The following SESN1 variants were observed in gnomAD, a reference collection of about 807,000 sequenced individuals.
SESN1 encodes the protein sestrin-1.
A neutral mutation model predicts 59.3 loss-of-function variants in SESN1; 30 were observed. The observed-to-expected ratio is 0.51, with a 90% CI of 0.38 to 0.69. SESN1 has a LOEUF of 0.69. Ranked by LOEUF, SESN1 falls within the 30% of genes least tolerant of loss-of-function variation. SESN1 has a pLI of 0.00. For missense variants in SESN1, 566 were observed against 673.0 expected, an observed-to-expected ratio of 0.84 and a Z score of 1.76; for synonymous variants, 197 against 219.9, an observed-to-expected ratio of 0.90 and a Z score of 0.92.
intron 1 of SESN1, among the ~76,000 whole-genome samples, chr6:109,042,724 C>T (rs930478266): frequency 3.4e-4 from 51 of 152,092 alleles, no homozygotes; most frequent in Non-Finnish European, 2.2e-4. Flanking sequence ...TTTTTAAAAA[C>T]TCCCCCAAAA....
intron 1 of SESN1, among the ~76,000 whole-genome samples, chr6:109,072,104 CTGG>C (rs1424290885): frequency 6.6e-6 from 1 of 152,176 alleles, no homozygotes; most frequent in Admixed American, 6.5e-5. Flanking sequence ...TTTCTTCTCC[CTGG>C]TGAAGGGAGT....
chr6:109,050,255 T>C (rs1008362841), intron 1 of SESN1, among the ~76,000 whole-genome samples: 6 of 152,108 alleles, frequency 3.9e-5, no homozygotes, highest in African/African-American at 1.2e-4. Context: ...GACTGACCAA[T>C]TGTGCTACCA....
intron 4 of SESN1, chr6:108,999,248 A>G (rs186767879): frequency 6.5e-6 from 1 of 152,778 alleles, no homozygotes; most frequent in Admixed American, 6.5e-5. Flanking sequence ...TATAACTTCT[A>G]TAATTCTTCT....
At chr6:109,031,519 C>T (rs1234756224) in intron 1 of SESN1, among the ~76,000 whole-genome samples, 1 of 152,156 alleles carries the variant, frequency 6.6e-6, no homozygotes, top group East Asian at 1.9e-4. Context: ...ATGGCCCACC[C>T]CTCATCTTCA....
chr6:109,031,349 G>A (rs555277858), intron 1 of SESN1, among the ~76,000 whole-genome samples: 9 of 152,224 alleles, frequency 5.9e-5, no homozygotes, highest in African/African-American at 1.7e-4. Context: ...GAAGCTCAAG[G>A]CAAATTAAAT....
chr6:108,998,421 G>A, intron 5 of SESN1, 92 bp downstream of exon 5: 1 of 1,475,516 alleles, frequency 6.8e-7, no homozygotes, highest in South Asian at 1.3e-5. Context: ...GTCTTAACAG[G>A]GTGGGTTTTT....
rs1429037232 is a variant in SESN1, at chr6:109,001,367, C to T, written c.467G>A (p.Ser156Asn). 6.2e-7 allele frequency: 1 copy of T among 1,613,648 alleles called. No individual in the cohort carries two copies. Among genetic ancestry groups the T allele is most frequent in the Non-Finnish European group, 8.5e-7 (1 of 1,179,802 alleles). The change falls in exon 3 of 10, where the codon AGT becomes AAT. Residue 156 changes from serine to asparagine, a missense_variant. Coordinates refer to ENST00000436639, the MANE Select transcript of SESN1 (RefSeq NM_014454.3). Reference sequence around the variant, plus strand: ...TAGATAGTGCTGAGTTTTTAAGAAACTTTCTAAATATTGTGGGTGGAAAAC... The same window carrying T: ...TAGATAGTGCTGAGTTTTTAAGAAATTTTCTAAATATTGTGGGTGGAAAAC... ...VMVFHPQYLE[S>N]FLKTQHYLLQ...
At chr6:109,093,269 A>G (rs944305248) in intron 1 of SESN1, among the ~76,000 whole-genome samples, 1 of 152,322 alleles carries the variant, frequency 6.6e-6, no homozygotes, top group East Asian at 1.9e-4. Flanking sequence ...CACCTTTTCA[A>G]CATGAAGATA....
intron 1 of SESN1, among the ~76,000 whole-genome samples, chr6:109,027,166 T>C (rs1386333390): frequency 6.6e-6 from 1 of 151,532 alleles, no homozygotes; most frequent in Non-Finnish European, 1.5e-5. Flanking sequence ...AAAGATTCTG[T>C]CTAAAAAACA....
intron 1 of SESN1, among the ~76,000 whole-genome samples, chr6:109,081,577 T>C (rs1353904721): frequency 6.6e-6 from 1 of 152,146 alleles, no homozygotes; most frequent in Non-Finnish European, 1.5e-5. Flanking sequence ...TCTTCTTGTT[T>C]TCAAAAGCAT....
chr6:109,001,350 G>T lies in SESN1; in HGVS notation c.484C>A (p.His162Asn). Residue 162 changes from histidine (H) to asparagine (N), a missense_variant, in exon 3 of 10, where the codon CAC becomes AAC. Coordinates refer to ENST00000436639, the MANE Select transcript of SESN1 (RefSeq NM_014454.3). The stretch of plus-strand genomic sequence containing the variant: ...GGCCCATCCATTTGCAGTAGATAGT[G>T]CTGAGTTTTTAAGAAACTTTCTAAA... ...QYLESFLKTQ[H>N]YLLQMDGPLP... The T allele has an allele frequency of 1.2e-6, 2 of 1,613,836 alleles. No homozygotes were observed. Among genetic ancestry groups the T allele is most frequent in the Non-Finnish European group, 1.7e-6 (2 of 1,179,800 alleles).
intron 1 of SESN1, among the ~76,000 whole-genome samples, chr6:109,085,296 G>A (rs1344779439): frequency 6.6e-6 from 1 of 152,140 alleles, no homozygotes; most frequent in Non-Finnish European, 1.5e-5. Flanking sequence ...GAGGCAGGCA[G>A]ATCACAAGGT....
chr6:109,004,894 T>C (rs1779701857), intron 1 of SESN1, among the ~76,000 whole-genome samples: 4 of 152,308 alleles, frequency 2.6e-5, no homozygotes, highest in South Asian at 2.1e-4. Context: ...ACAGGCTGTA[T>C]TGGAGAAAGG....
intron 1 of SESN1, among the ~76,000 whole-genome samples, chr6:109,060,215 T>C (rs969539849): frequency 2.0e-5 from 3 of 152,098 alleles, no homozygotes; most frequent in Non-Finnish European, 4.4e-5. Flanking sequence ...CAAAGGATAA[T>C]TTGTTGAGTT....
chr6:109,030,569 G>A (rs1780168501), intron 1 of SESN1, among the ~76,000 whole-genome samples: 1 of 151,978 alleles, frequency 6.6e-6, no homozygotes, highest in Non-Finnish European at 1.5e-5. Context: ...GTGAAAAAGA[G>A]GAAGAATAAA....
chr6:109,003,023 G>A (rs952909842), intron 1 of SESN1, among the ~76,000 whole-genome samples: 79 of 152,032 alleles, frequency 5.2e-4, no homozygotes, highest in African/African-American at 1.8e-3. Context: ...TCTGACATTT[G>A]ACACAGTGAC....
At chr6:109,048,049 C>G (rs1780481214) in intron 1 of SESN1, among the ~76,000 whole-genome samples, 1 of 150,112 alleles carries the variant, frequency 6.7e-6, no homozygotes, top group Non-Finnish European at 1.5e-5. Flanking sequence ...TCCCATGACC[C>G]TGCCAAATCC....
intron 1 of SESN1, among the ~76,000 whole-genome samples, chr6:109,089,089 T>C (rs1781265905): frequency 1.3e-5 from 2 of 152,138 alleles, no homozygotes; most frequent in Non-Finnish European, 2.9e-5. Flanking sequence ...ATTTAGCTGC[T>C]TGGAATTGAA....
intron 1 of SESN1, among the ~76,000 whole-genome samples, chr6:109,049,763 ATATATT>A (rs1780514297): frequency 1.3e-5 from 2 of 150,782 alleles, no homozygotes; most frequent in African/African-American, 2.4e-5. Flanking sequence ...ATCATTACAT[ATATATT>A]TATATGTATT....
Sources: gnomAD v4.1 joint callset for allele counts (sites outside exome capture counted in the v4.1 genomes callset) on GRCh38, gnomAD v4.1.1 for gene constraint, MANE v1.5 for transcripts, NCBI Gene and HGNC (gene_info 2026-07-23, HGNC 2026-07-21) for gene names.